The following MAOA variants were observed in gnomAD, a reference collection of about 807,000 sequenced individuals.
The protein encoded by MAOA is amine oxidase [flavin-containing] A.
MAOA carries 6 observed loss-of-function variants against 42.0 expected under a neutral mutation model. That is an observed-to-expected ratio of 0.14 (90% confidence interval 0.08 to 0.28). The LOEUF is 0.28. Ranked by LOEUF, MAOA falls within the 10% of genes least tolerant of loss-of-function variation. The pLI is 1.00. For missense variants in MAOA, 262 were observed against 422.3 expected, an observed-to-expected ratio of 0.62 and a Z score of 3.33; for synonymous variants, 140 against 154.0, an observed-to-expected ratio of 0.91 and a Z score of 0.67.
intron 1 of MAOA, among the ~76,000 whole-genome samples, chrX:43,667,050 C>G (rs753196449): frequency 9.1e-6 from 1 of 109,379 alleles, no homozygotes; most frequent in Non-Finnish European, 1.9e-5. Context: ...AATGACGAGT[C>G]AATGGGTGCA....
chrX:43,713,713 A>G (rs2033716389), intron 5 of MAOA, among the ~76,000 whole-genome samples: 1 of 111,672 alleles, frequency 9.0e-6, no homozygotes. Flanking sequence ...GCACAATTAC[A>G]TAATGCTAGG....
intron 5 of MAOA, among the ~76,000 whole-genome samples, 169 bp from the exon 6 acceptor site, chrX:43,728,004 T>C (rs1025501110): frequency 8.9e-6 from 1 of 112,130 alleles, no homozygotes; most frequent in African/African-American, 3.2e-5. Flanking sequence ...AAAATGTTAG[T>C]TTCTCCAAGA....
chrX:43,722,849 G>A (rs1221599550), intron 5 of MAOA, among the ~76,000 whole-genome samples: 4 of 111,560 alleles, frequency 3.6e-5, no homozygotes, highest in African/African-American at 9.8e-5. Flanking sequence ...AATCCATCTC[G>A]AGTTAATTTT....
chrX:43,658,936 T>C (rs1019077611), intron 1 of MAOA, among the ~76,000 whole-genome samples: 1 of 111,590 alleles, frequency 9.0e-6, no homozygotes, highest in African/African-American at 3.3e-5. Context: ...CAGTATCCCA[T>C]GAATTACTTA....
At chrX:43,707,384 C>T (rs1007492557) in intron 3 of MAOA, among the ~76,000 whole-genome samples, 2 of 111,566 alleles carry the variant, frequency 1.8e-5, no homozygotes, top group Non-Finnish European at 3.8e-5. Flanking sequence ...GGATACAAGT[C>T]AGATTTTAGA....
chrX:43,721,295 G>A lies in MAOA; in HGVS notation c.504-6878G>A, dbSNP rs1376112214. On this transcript the variant is annotated intron_variant, in intron 5 of 14. Transcript: ENST00000338702. ...GTGAGAAGGATATTGGCATGTTTGA[G>A]CAACTGAGTGGACAGTGTAGCTGGA... Among the ~76,000 whole-genome samples the A allele has an allele frequency of 2.7e-5, 3 of 111,609 alleles. No homozygotes were observed. In the East Asian group the frequency reaches 8.5e-4, roughly 32 times the overall value.
chrX:43,667,834 A>AT (rs2033295590), intron 1 of MAOA, among the ~76,000 whole-genome samples: 1 of 111,858 alleles, frequency 8.9e-6, no homozygotes, highest in Non-Finnish European at 1.9e-5. Flanking sequence ...AAGTATATAC[A>AT]TTTTTTGCTA....
At chrX:43,730,936 A>G (rs1241184443) in intron 6 of MAOA, among the ~76,000 whole-genome samples, 1 of 111,905 alleles carries the variant, frequency 8.9e-6, no homozygotes, top group Non-Finnish European at 1.9e-5. Context: ...TGACATTTGA[A>G]GCCCACAGAC....
At chrX:43,726,103 A>G (rs1332133730) in intron 5 of MAOA, among the ~76,000 whole-genome samples, 2 of 110,346 alleles carry the variant, frequency 1.8e-5, no homozygotes, top group Non-Finnish European at 3.8e-5. Flanking sequence ...TGCCCTTAAC[A>G]TTTTTTTCCT....
At chrX:43,743,337 C>T (rs964182806) in intron 12 of MAOA, among the ~76,000 whole-genome samples, 7 of 111,074 alleles carry the variant, frequency 6.3e-5, no homozygotes, top group African/African-American at 1.3e-4. Context: ...TGATAGTTGA[C>T]GTCCCTGTCT....
intron 2 of MAOA, among the ~76,000 whole-genome samples, chrX:43,690,279 G>C (rs1399422970): frequency 9.2e-6 from 1 of 108,497 alleles, no homozygotes; most frequent in East Asian, 2.9e-4. Context: ...AGATCTAGCA[G>C]TTTACTCACT....
chrX:43,656,688 C>A (rs891861935), intron 1 of MAOA, among the ~76,000 whole-genome samples: 2 of 111,129 alleles, frequency 1.8e-5, no homozygotes, highest in Non-Finnish European at 3.8e-5. Flanking sequence ...TAGCACTTTA[C>A]GTGGATTTTC....
chrX:43,738,465 T>C (rs2033937061), intron 10 of MAOA, among the ~76,000 whole-genome samples: 2 of 111,757 alleles, frequency 1.8e-5, no homozygotes, highest in South Asian at 7.5e-4. Flanking sequence ...AACTACAATG[T>C]GGGTTGATTG....
intron 1 of MAOA, among the ~76,000 whole-genome samples, chrX:43,681,878 A>ATTTTTTTTTTTTTTT (rs1282241261): frequency 1.2e-5 from 1 of 80,385 alleles, no homozygotes; most frequent in Non-Finnish European, 2.3e-5. Flanking sequence ...ATATATATAT[A>ATTTTTTTTTTTTTTT]TATTTTTTTT....
intron 5 of MAOA, 85 bp from the exon 6 acceptor site, chrX:43,728,088 C>T (rs1601946334): frequency 1.0e-6 from 1 of 955,151 alleles, no homozygotes; most frequent in Non-Finnish European, 1.5e-6. Flanking sequence ...ACTTTCTGAA[C>T]ACACTAAATC....
upstream of MAOA, chrX:43,655,100 C>CACCGGCACCGGCACCAGT (rs2033164632): frequency 4.6e-5 from 3 of 65,102 alleles, no homozygotes; most frequent in African/African-American, 1.0e-4. Context: ...TCCCCGGCGG[C>CACCGGCACCGGCACCAGT]ACCGGCACCG....
rs780171662 is a variant in MAOA at position 43,736,105 on chromosome X, G to A, written c.1053-122G>A. ...TATGGCATTTGCCCTACTAGAGGAG[G>A]AGGGTCTGAGAGAGTTCATTTCATG... On this transcript the variant is annotated intron_variant, in intron 9 of 14. Coordinates refer to ENST00000338702, the MANE Select transcript of MAOA (RefSeq NM_000240.4). 9.0e-4 allele frequency: 419 copies of A among 466,120 alleles called. 1 individual carries two copies. Among genetic ancestry groups the A allele is most frequent in the Non-Finnish European group, 9.3e-4 (245 of 262,756 alleles). 38.4% of individuals were successfully genotyped at this position (466,120 alleles called of 1,213,427 possible).
At chrX:43,741,468 T>C (rs1243073687) in intron 11 of MAOA, among the ~76,000 whole-genome samples, 2 of 111,908 alleles carry the variant, frequency 1.8e-5, no homozygotes, top group African/African-American at 6.5e-5. Flanking sequence ...GTTTCCAGCT[T>C]AGAAAAGTGG....
chrX:43,733,400 G>A (rs2033897140), intron 9 of MAOA, among the ~76,000 whole-genome samples: 1 of 111,205 alleles, frequency 9.0e-6, no homozygotes, highest in Admixed American at 9.6e-5. Context: ...ATGACCCAGG[G>A]CCTGGTTCTG....
Sources: allele counts gnomAD v4.1 joint callset (sites outside exome capture counted in the v4.1 genomes callset), GRCh38; gene constraint gnomAD v4.1.1; transcripts MANE v1.5; gene names NCBI Gene and HGNC (gene_info 2026-07-23, HGNC 2026-07-21).